BRD4: variants seen among roughly 807,000 people sequenced by gnomAD.
BRD4 encodes bromodomain containing 4.
A neutral mutation model predicts 142.1 loss-of-function variants in BRD4; 16 were observed. The ratio of observed to expected loss-of-function variants is 0.11; its 90% CI spans 0.08 to 0.17. BRD4 has a LOEUF of 0.17. Among genes scored for constraint, BRD4 ranks in the 10% least tolerant of loss-of-function variants. The pLI is 1.00. For synonymous variants in BRD4, 833 were observed against 707.5 expected, an observed-to-expected ratio of 1.18 and a Z score of -2.82; for missense variants, 1,424 against 1,810.9, an observed-to-expected ratio of 0.79 and a Z score of 3.88.
intron 1 of BRD4, among the ~76,000 whole-genome samples, chr19:15,323,093 A>C (rs1056605668): frequency 6.8e-6 from 1 of 147,200 alleles, no homozygotes; most frequent in African/African-American, 2.5e-5. Context: ...TTTTCTTCCA[A>C]TTAATTGGGA....
At chr19:15,253,889 G>A (rs916185628) in intron 11 of BRD4, 3 of 1,011,692 alleles carry the variant, frequency 3.0e-6, no homozygotes, top group South Asian at 1.6e-5. Context: ...CAGTGTCAAC[G>A]CCCTTGGCCA....
At chr19:15,243,570 T>C in intron 13 of BRD4, 83 bp from the exon 14 acceptor site, 1 of 1,439,676 alleles carries the variant, frequency 6.9e-7, no homozygotes, top group Non-Finnish European at 9.1e-7. Context: ...TGACCTCATC[T>C]GGACTCCAGT....
At chr19:15,259,055 G>A (rs375553286) in intron 7 of BRD4, among the ~76,000 whole-genome samples, 28 of 152,172 alleles carry the variant, frequency 1.8e-4, no homozygotes, top group African/African-American at 6.8e-4. Flanking sequence ...CCCAGTGAGA[G>A]AGTAAGACAG....
Position 15,239,262 on chromosome 19 carries a change from G to A in BRD4, c.3579C>T (p.Asp1193=). The A allele has an allele frequency of 6.2e-7, 1 of 1,613,196 alleles. No individual in the cohort carries two copies. Among genetic ancestry groups the A allele is most frequent in the Non-Finnish European group, 8.5e-7 (1 of 1,179,664 alleles). The change falls in exon 18 of 20, where the codon GAC becomes GAT. Residue 1193 remains aspartate (D), a splice_region_variant and synonymous_variant. Transcript: ENST00000679869. This position sits in a 1 kb window ranked among gnomAD's most constrained non-coding sequence, Gnocchi z 7.4. ...EPKTPVAPKK[D]LKIKNMGSWA... ...AGGAGCCCATGTTCTTGATTTTCAG[G>A]TCCTGCAGAACAGAGAGGTTGGGGT...
intron 1 of BRD4, among the ~76,000 whole-genome samples, chr19:15,302,341 G>A (rs2047875972): frequency 6.6e-6 from 1 of 152,168 alleles, no homozygotes; most frequent in South Asian, 2.1e-4. Context: ...GGACAGCCTG[G>A]TCTGAACCAC....
At chr19:15,286,224 T>C (rs1212580899) in intron 1 of BRD4, among the ~76,000 whole-genome samples, 1 of 152,074 alleles carries the variant, frequency 6.6e-6, no homozygotes, top group Non-Finnish European at 1.5e-5. Flanking sequence ...CCCGAGCAGA[T>C]GAGAAAAGGA....
chr19:15,290,764 C>T (rs544033329), intron 1 of BRD4, among the ~76,000 whole-genome samples: 2 of 152,240 alleles, frequency 1.3e-5, no homozygotes, highest in South Asian at 4.1e-4. Flanking sequence ...ATCTCATACC[C>T]ATATGTACGA....
intron 1 of BRD4, among the ~76,000 whole-genome samples, chr19:15,306,251 T>C (rs774064969): frequency 9.9e-5 from 15 of 152,236 alleles, no homozygotes; most frequent in Non-Finnish European, 1.9e-4. Context: ...AGCCTAGCTT[T>C]TGGCTTTCAA....
At chr19:15,306,129 G>A (rs965747328) in intron 1 of BRD4, among the ~76,000 whole-genome samples, 3 of 152,180 alleles carry the variant, frequency 2.0e-5, no homozygotes, top group Admixed American at 1.3e-4. Flanking sequence ...CTCCATGTCA[G>A]CAATAAGGTT....
At chr19:15,251,364 T>C (rs1016311631) in intron 11 of BRD4, among the ~76,000 whole-genome samples, 1 of 132,690 alleles carries the variant, frequency 7.5e-6, no homozygotes, top group Non-Finnish European at 1.5e-5. Context: ...TCAGCGGAAC[T>C]AACCCCGTAG....
chr19:15,238,894 C>CGCTGCTGCT lies in BRD4; in HGVS notation c.3860_3868dup (p.Gln1287_Gln1289dup), dbSNP rs748141481. 64 of 1,595,070 alleles carry CGCTGCTGCT rather than the reference C, an allele frequency of 4.0e-5. No individual in the cohort carries two copies. The highest frequency in any genetic ancestry group is 2.3e-5 in the East Asian group (1 of 43,928). On this transcript the variant is annotated inframe_insertion, in exon 19 of 20. Coordinates refer to ENST00000679869, the MANE Select transcript of BRD4 (RefSeq NM_001379291.1). This position sits in a 1 kb window ranked among gnomAD's most constrained non-coding sequence, Gnocchi z 7.2. The stretch of plus-strand genomic sequence containing the variant: ...TTGCTGCTGCTGCTGTTGCTCCTGG[C>CGCTGCTGCT]GCTGCTGCTGCTGCTGCTCCTGGCG...
intron 1 of BRD4, among the ~76,000 whole-genome samples, chr19:15,297,825 G>A (rs961997720): frequency 6.6e-6 from 1 of 152,198 alleles, no homozygotes; most frequent in African/African-American, 2.4e-5. Flanking sequence ...AGGTGAAATG[G>A]TAATGGCAGC....
intron 10 of BRD4, 77 bp from the exon 11 acceptor site, chr19:15,254,339 T>TCCA: frequency 8.0e-7 from 1 of 1,252,680 alleles, no homozygotes. Flanking sequence ...GCACACCCCA[T>TCCA]CCATCTGGAG....
intron 11 of BRD4, among the ~76,000 whole-genome samples, chr19:15,250,088 G>A (rs965818021): frequency 3.3e-5 from 5 of 152,070 alleles, no homozygotes; most frequent in African/African-American, 7.2e-5. Context: ...GGATGCAACC[G>A]ACGTGCTACT....
intron 1 of BRD4, among the ~76,000 whole-genome samples, chr19:15,296,680 A>AC (rs2047825580): frequency 6.6e-6 from 1 of 152,210 alleles, no homozygotes; most frequent in Admixed American, 6.5e-5. Context: ...CAGTCTCCTG[A>AC]CCGTCCAGCC....
chr19:15,245,631 T>A (rs2047279368), intron 11 of BRD4, among the ~76,000 whole-genome samples: 2 of 152,172 alleles, frequency 1.3e-5, no homozygotes, highest in Admixed American at 6.5e-5. Flanking sequence ...AGATTTACAC[T>A]AAGGGACTTT....
intron 13 of BRD4, among the ~76,000 whole-genome samples, 184 bp from the exon 14 acceptor site, chr19:15,243,671 G>C (rs898542057): frequency 6.6e-6 from 1 of 152,154 alleles, no homozygotes; most frequent in South Asian, 2.1e-4. Context: ...CTTCCAGAGA[G>C]AGCTTTAGGG....
intron 1 of BRD4, among the ~76,000 whole-genome samples, chr19:15,328,593 C>G (rs1056625025): frequency 3.3e-5 from 5 of 152,198 alleles, no homozygotes; most frequent in African/African-American, 1.2e-4. Flanking sequence ...CCACGGCTAA[C>G]AACATTTTTA....
chr19:15,278,237 T>C (rs1440374971), intron 1 of BRD4, among the ~76,000 whole-genome samples: 1 of 149,530 alleles, frequency 6.7e-6, no homozygotes, highest in African/African-American at 2.5e-5. Context: ...ACACATCCTA[T>C]TAGAAAGTAA....
Sources: allele counts gnomAD v4.1 joint callset (sites outside exome capture counted in the v4.1 genomes callset), GRCh38; gene constraint gnomAD v4.1.1; non-coding constraint Gnocchi (gnomAD v3.1); transcripts MANE v1.5; gene names NCBI Gene and HGNC (gene_info 2026-07-23, HGNC 2026-07-21).